The following SUSD4 variants were observed in gnomAD, a reference collection of about 807,000 sequenced individuals.
SUSD4 encodes the protein sushi domain-containing protein 4.
SUSD4 carries 41 observed loss-of-function variants against 50.5 expected under a neutral mutation model. That is an observed-to-expected ratio of 0.81 (90% CI 0.63 to 1.05). SUSD4 has a LOEUF of 1.05. Ranked by LOEUF, SUSD4 falls within the 50% of genes least tolerant of loss-of-function variation. The probability of loss-of-function intolerance (pLI) is 0.00; values close to 1 mark genes in which losing one functional copy is unlikely to be tolerated. For synonymous variants in SUSD4, 257 were observed against 257.3 expected (o/e 1.00, Z 0.01); for missense variants, 580 against 634.7 (o/e 0.91, Z 0.93).
chr1:223,313,288 C>A (rs1572037785), intron 2 of SUSD4, among the ~76,000 whole-genome samples: 1 of 152,198 alleles, frequency 6.6e-6, no homozygotes. Flanking sequence ...ATGAGTTAAT[C>A]AATCATGCCT....
chr1:223,288,301 C>A (rs577498182), intron 3 of SUSD4, among the ~76,000 whole-genome samples: 1 of 152,314 alleles, frequency 6.6e-6, no homozygotes, highest in African/African-American at 2.4e-5. Flanking sequence ...GTATGCCGTA[C>A]TTTGCTTCCC....
At chr1:223,330,031 T>C (rs1054272428) in intron 2 of SUSD4, among the ~76,000 whole-genome samples, 3 of 152,114 alleles carry the variant, frequency 2.0e-5, no homozygotes, top group African/African-American at 2.4e-5. Context: ...AATGGCAGTA[T>C]AGATGGATGG....
chr1:223,301,058 T>C (rs1416119337), intron 2 of SUSD4, among the ~76,000 whole-genome samples: 4 of 152,268 alleles, frequency 2.6e-5, no homozygotes, highest in African/African-American at 9.6e-5. Flanking sequence ...TCCAATGTTC[T>C]TGCTGTTGTC....
At chr1:223,284,374 C>T (rs1233280535) in intron 3 of SUSD4, among the ~76,000 whole-genome samples, 1 of 152,140 alleles carries the variant, frequency 6.6e-6, no homozygotes. Context: ...CATGTTTGGT[C>T]AGGTGAGATG....
chr1:223,229,167 C>A lies in SUSD4; in HGVS notation c.916+30G>T. On this transcript the variant is annotated intron_variant, in intron 6 of 8. Transcript: ENST00000366878. The surrounding 1 kb of genome is among the most constrained non-coding windows in gnomAD (Gnocchi z 4.7). ...TGCAGATGGTCCAAGGAGGGTCCAT[C>A]TCCTCCAAGGGTGAGGCCTTCAGTC... The A allele has an allele frequency of 3.8e-6, 6 of 1,574,774 alleles. No individual in the cohort carries two copies. In the Middle Eastern group the frequency reaches 5.4e-4, roughly 141 times the overall value.
chr1:223,225,940 T>C (rs542055058), intron 7 of SUSD4, among the ~76,000 whole-genome samples: 5 of 152,336 alleles, frequency 3.3e-5, no homozygotes, highest in East Asian at 1.9e-4. Flanking sequence ...ATTCATGTCA[T>C]GTATTTGAAG....
At chr1:223,269,232 A>G (rs187066625) in intron 3 of SUSD4, among the ~76,000 whole-genome samples, 1 of 152,168 alleles carries the variant, frequency 6.6e-6, no homozygotes, top group Admixed American at 6.5e-5. Context: ...TTAAAAAGAG[A>G]TAACAGATAG....
intron 2 of SUSD4, chr1:223,358,789 T>G (rs1668809540): frequency 5.4e-6 from 1 of 185,572 alleles, no homozygotes; most frequent in Non-Finnish European, 1.2e-5. Flanking sequence ...TAAGGTAGCC[T>G]TTTGTTGAAG....
At chr1:223,278,785 C>G (rs1663467581) in intron 3 of SUSD4, among the ~76,000 whole-genome samples, 2 of 152,128 alleles carry the variant, frequency 1.3e-5, no homozygotes, top group African/African-American at 4.8e-5. Flanking sequence ...GGGTCCCTGA[C>G]CCCCAAGTAG....
At chr1:223,292,192 G>A (rs1036433320) in intron 3 of SUSD4, among the ~76,000 whole-genome samples, 5 of 152,136 alleles carry the variant, frequency 3.3e-5, no homozygotes, top group South Asian at 2.1e-4. Flanking sequence ...CTCCTGCATT[G>A]ACAAAAATGG....
intron 5 of SUSD4, among the ~76,000 whole-genome samples, chr1:223,235,624 CT>C (rs1660170626): frequency 6.6e-6 from 1 of 151,826 alleles, no homozygotes; most frequent in African/African-American, 2.4e-5. Context: ...GTATATAGCC[CT>C]TTGAGATTGG....
At chr1:223,279,902 A>C (rs1328833517) in intron 3 of SUSD4, among the ~76,000 whole-genome samples, 1 of 151,840 alleles carries the variant, frequency 6.6e-6, no homozygotes. Context: ...GGCAGAAACT[A>C]TGAGCCAGAA....
intron 5 of SUSD4, among the ~76,000 whole-genome samples, chr1:223,235,346 C>T (rs1209743085): frequency 6.6e-6 from 1 of 152,092 alleles, no homozygotes; most frequent in African/African-American, 2.4e-5. Context: ...TGCTGATGAA[C>T]CTACATTGAT....
chr1:223,230,948 C>T (rs1245274858), intron 5 of SUSD4, among the ~76,000 whole-genome samples: 2 of 152,098 alleles, frequency 1.3e-5, no homozygotes, highest in African/African-American at 4.8e-5. Flanking sequence ...CAGGGAAAAC[C>T]AGGACTTGAG....
intron 2 of SUSD4, among the ~76,000 whole-genome samples, chr1:223,314,046 G>A (rs1666035034): frequency 6.6e-6 from 1 of 152,246 alleles, no homozygotes; most frequent in East Asian, 1.9e-4. Flanking sequence ...TGCCTATGGA[G>A]TAGCCATTCT....
intron 2 of SUSD4, among the ~76,000 whole-genome samples, chr1:223,326,201 C>T (rs370130985): frequency 1.3e-5 from 2 of 152,094 alleles, no homozygotes; most frequent in East Asian, 1.9e-4. Flanking sequence ...AAGCCAAATA[C>T]GTACAGCCAA....
chr1:223,311,859 G>A (rs1039931663), intron 2 of SUSD4, among the ~76,000 whole-genome samples: 4 of 152,216 alleles, frequency 2.6e-5, no homozygotes, highest in Non-Finnish European at 5.9e-5. Flanking sequence ...GGCTTGCATT[G>A]TATCTGTCTG....
Position 223,250,424 on chromosome 1 carries a change from C to T in SUSD4, c.724+14206G>A, listed in dbSNP as rs80220989. ...CAATCCTAACAACAATTTTGCAGAG[C>T]AGGTGTTGCTATTGCCTCATTTGCA... On this transcript the variant is annotated intron_variant, in intron 5 of 8. Transcript: ENST00000366878. Among the ~76,000 whole-genome samples, 1,253 of 152,282 alleles carry T rather than the reference C, an allele frequency of 8.2e-3. 42 individuals are homozygous for T. Among genetic ancestry groups the T allele is most frequent in the Admixed American group, 0.062 (948 of 15,296 alleles).
At position 223,363,310 on chromosome 1, in the gene SUSD4, GC is replaced by G; in HGVS notation, c.115del (p.Ala39ArgfsTer42). 1 of 1,610,184 alleles carries G rather than the reference GC, an allele frequency of 6.2e-7. No individual in the cohort carries two copies. Among genetic ancestry groups the G allele is most frequent in the Non-Finnish European group, 8.5e-7 (1 of 1,178,500 alleles). On this transcript the variant is annotated frameshift_variant, in exon 2 of 9. Transcript: ENST00000366878. LOFTEE classifies it high-confidence loss of function. ...GAGCTGTGCAGGGCCGAAGCACAGC[GC>G]CAGCTGAAACCACAGGATCACGGCC... ...LLAVILWFQL[A>X]LCFGPAQLTG...
Sources: gnomAD v4.1 joint callset for allele counts (sites outside exome capture counted in the v4.1 genomes callset) on GRCh38, gnomAD v4.1.1 for gene constraint, Gnocchi (gnomAD v3.1) non-coding constraint, MANE v1.5 for transcripts, NCBI Gene and HGNC (gene_info 2026-07-23, HGNC 2026-07-21) for gene names.